HEATR5B: variants seen among roughly 807,000 people sequenced by gnomAD.
HEATR5B encodes HEAT repeat-containing protein 5B.
In HEATR5B, 156 loss-of-function variants were observed where a neutral mutation model predicts 224.1. The ratio of observed to expected loss-of-function variants is 0.70; its 90% CI spans 0.61 to 0.80. The LOEUF (loss-of-function observed/expected upper bound fraction) is 0.80. Among genes scored for constraint, HEATR5B ranks in the 30% least tolerant of loss-of-function variants. The pLI is 0.00. For missense variants in HEATR5B, 2,323 were observed against 2,535.5 expected (o/e 0.92, Z 1.80); for synonymous variants, 1,027 against 893.0 (o/e 1.15, Z -2.68).
At chr2:37,053,314 A>T (rs2540995) in intron 17 of HEATR5B, among the ~76,000 whole-genome samples, 188 bp downstream of exon 17, 31 of 152,370 alleles carry the variant, frequency 2.0e-4, no homozygotes, top group African/African-American at 7.5e-4. Flanking sequence ...AACAACATTA[A>T]AATATAAAAC....
In HEATR5B at chr2:37,034,612, CAAAAAAAAAAAA is replaced by C. The variant is rs772823865; in HGVS notation, c.3217-1851_3217-1840del. Reference sequence around the variant, plus strand: ...TGGGCGACACAGCGAGACTCTGTCTCAAAAAAAAAAAAAAAAAAAAAAAAAAAGACATCGCCC... The same window carrying C: ...TGGGCGACACAGCGAGACTCTGTCTCAAAAAAAAAAAAAAAGACATCGCCC... On this transcript the variant is annotated intron_variant, in intron 21 of 35. Transcript: ENST00000233099. Among the ~76,000 whole-genome samples the C allele has an allele frequency of 1.3e-4, 4 of 30,572 alleles. 1 individual carries two copies. Among genetic ancestry groups the C allele is most frequent in the South Asian group, 4.1e-3 (2 of 492 alleles). The allele number at this position is 30,572 out of a possible 152,430, so 20.1% of individuals were successfully genotyped here.
At chr2:37,057,887 T>A (rs986865843) in intron 14 of HEATR5B, among the ~76,000 whole-genome samples, 6 of 152,300 alleles carry the variant, frequency 3.9e-5, no homozygotes, top group Admixed American at 2.0e-4. Context: ...ATATATTAAA[T>A]GTGATATGAT....
intron 8 of HEATR5B, among the ~76,000 whole-genome samples, chr2:37,066,864 G>A (rs1671619627): frequency 6.6e-6 from 1 of 151,740 alleles, no homozygotes; most frequent in African/African-American, 2.4e-5. Context: ...ATAAATTGAA[G>A]ACTATAATTA....
chr2:37,018,096 C>G (rs1668235157), intron 26 of HEATR5B, among the ~76,000 whole-genome samples: 1 of 151,848 alleles, frequency 6.6e-6, no homozygotes, highest in Non-Finnish European at 1.5e-5. Flanking sequence ...AACTTGTAAC[C>G]TACTGCTTTA....
Position 37,083,292 on chromosome 2 carries a change from G to A in HEATR5B, c.123C>T (p.Asn41=). ...GGAAAAAAGAGCAATACCATACCTTGTTGGCAGCAACCAAGACTTTATCAA... is the reference window on the plus strand; with the variant it reads ...GGAAAAAAGAGCAATACCATACCTTATTGGCAGCAACCAAGACTTTATCAA... ...RFLDKVLVAA[N]KTDVKEKQKK... The change falls in exon 2 of 36, where the codon AAC becomes AAT. Residue 41 remains asparagine, a synonymous_variant. Transcript: ENST00000233099. The A allele has an allele frequency of 6.2e-7, 1 of 1,613,976 alleles. No homozygotes were observed. The highest frequency in any genetic ancestry group is 8.5e-7 in the Non-Finnish European group (1 of 1,179,950).
At chr2:37,023,886 C>A (rs548368668) in intron 24 of HEATR5B, among the ~76,000 whole-genome samples, 32 of 152,224 alleles carry the variant, frequency 2.1e-4, no homozygotes, top group African/African-American at 6.7e-4. Context: ...AGTGCTTCCT[C>A]ACCTATAGGA....
chr2:36,984,014 C>A (rs1424969619), intron 35 of HEATR5B, among the ~76,000 whole-genome samples: 1 of 149,796 alleles, frequency 6.7e-6, no homozygotes, highest in Non-Finnish European at 1.5e-5. Flanking sequence ...GCCTGGCCAA[C>A]ATGGTGAAAC....
At chr2:37,052,693 G>A (rs1351291069) in intron 17 of HEATR5B, among the ~76,000 whole-genome samples, 1 of 152,156 alleles carries the variant, frequency 6.6e-6, no homozygotes, top group African/African-American at 2.4e-5. Flanking sequence ...TAAAACAAGG[G>A]TTATCTGAAC....
chr2:37,052,623 C>G (rs1169483798), intron 17 of HEATR5B, among the ~76,000 whole-genome samples: 2 of 152,212 alleles, frequency 1.3e-5, no homozygotes, highest in Admixed American at 6.5e-5. Context: ...TTTACAGCTT[C>G]CCTTTGGCAT....
At chr2:36,987,761 A>C (rs1041319513) in intron 35 of HEATR5B, among the ~76,000 whole-genome samples, 1 of 152,166 alleles carries the variant, frequency 6.6e-6, no homozygotes, top group South Asian at 2.1e-4. Context: ...TATGAAGATT[A>C]GAATATATTA....
intron 26 of HEATR5B, among the ~76,000 whole-genome samples, chr2:37,015,325 G>C (rs986851248): frequency 1.3e-5 from 2 of 152,166 alleles, no homozygotes; most frequent in African/African-American, 4.8e-5. Context: ...CATATTATTA[G>C]AATTGTGCTT....
Position 37,060,610 on chromosome 2 carries a change from G to A in HEATR5B, c.1820C>T (p.Thr607Ile), listed in dbSNP as rs756082026. The change falls in exon 12 of 36, where the codon ACT (threonine) becomes ATT (isoleucine). Residue 607 changes from threonine to isoleucine, a missense_variant. Around this residue, in one of 12 missense-constraint regions of HEATR5B, gnomAD observed 502 missense variants for 517.8 expected, o/e 0.97. Transcript: ENST00000233099. ...TAGAGCTCCAGCACGACCTTCCAAA[G>A]TTACCTGCCAGGTAAAAGAATCGCC... ...ARGDSFTWQV[T>I]LEGRAGALCA... 6.2e-7 allele frequency: 1 copy of A among 1,613,770 alleles called. No homozygotes were observed. Among genetic ancestry groups the A allele is most frequent in the Non-Finnish European group, 8.5e-7 (1 of 1,179,794 alleles).
chr2:37,057,046 T>C (rs1217500577), intron 15 of HEATR5B, among the ~76,000 whole-genome samples: 1 of 152,052 alleles, frequency 6.6e-6, no homozygotes, highest in Admixed American at 6.6e-5. Flanking sequence ...AAAATACCAA[T>C]AACCAAAAAG....
intron 18 of HEATR5B, among the ~76,000 whole-genome samples, chr2:37,048,093 C>A (rs1670314168): frequency 6.6e-6 from 1 of 151,514 alleles, no homozygotes; most frequent in African/African-American, 2.4e-5. Context: ...TACTTGCAAA[C>A]AACTAAATTG....
At chr2:37,039,382 C>T (rs1669734510) in intron 20 of HEATR5B, among the ~76,000 whole-genome samples, 1 of 151,954 alleles carries the variant, frequency 6.6e-6, no homozygotes, top group Admixed American at 6.6e-5. Flanking sequence ...AGGAGAATCG[C>T]TTGAACTCAG....
At chr2:37,042,345 A>T (rs1669923976) in intron 18 of HEATR5B, among the ~76,000 whole-genome samples, 1 of 152,216 alleles carries the variant, frequency 6.6e-6, no homozygotes, top group South Asian at 2.1e-4. Flanking sequence ...ACCAAAATAA[A>T]CTCGTACTAA....
intron 33 of HEATR5B, among the ~76,000 whole-genome samples, chr2:36,999,087 C>T (rs1325247374): frequency 2.6e-5 from 4 of 151,676 alleles, no homozygotes; most frequent in Non-Finnish European, 4.4e-5. Context: ...GTGGTGCGTG[C>T]CTGTAATCCC....
Position 37,056,510 on chromosome 2 carries a change from C to T in HEATR5B, c.2329G>A (p.Gly777Arg). ...ACAGAAGCATCAATGACTGAGACTC[C>T]GAGAGGGAGGGGACCAGGTACTGCT... ...GEAVPGPLPL[G>R]VSVIDASVAL... The change falls in exon 16 of 36, where the codon GGA becomes AGA. Residue 777 changes from glycine (G) to arginine (R), a missense_variant. Physicochemically the swap from Gly to Arg is moderately radical, Grantham distance 125. Transcript: ENST00000233099. The T allele has an allele frequency of 1.2e-6, 2 of 1,612,866 alleles. No individual in the cohort carries two copies. Among genetic ancestry groups the T allele is most frequent in the Non-Finnish European group, 1.7e-6 (2 of 1,179,366 alleles).
At chr2:37,004,973 C>G (rs996412867) in intron 30 of HEATR5B, among the ~76,000 whole-genome samples, 2 of 152,124 alleles carry the variant, frequency 1.3e-5, no homozygotes, top group Non-Finnish European at 2.9e-5. Flanking sequence ...CAGAATGATC[C>G]TTCTGAAATA....
Sources: gnomAD v4.1 joint callset for allele counts (sites outside exome capture counted in the v4.1 genomes callset) on GRCh38, gnomAD v4.1.1 for gene constraint, gnomAD v4.1.1 regional missense constraint, MANE v1.5 for transcripts, NCBI Gene and HGNC (gene_info 2026-07-23, HGNC 2026-07-21) for gene names.